SRBD1: variants seen among roughly 807,000 people sequenced by gnomAD.
The protein encoded by SRBD1 is S1 RNA-binding domain-containing protein 1.
A neutral mutation model predicts 115.3 loss-of-function variants in SRBD1; 88 were observed. The observed-to-expected ratio is 0.76, with a 90% CI of 0.64 to 0.91. The LOEUF is 0.91. SRBD1 is among the 40% of genes least tolerant of loss of function. The pLI is 0.00. For missense variants in SRBD1, 1,385 were observed against 1,177.4 expected (o/e 1.18, Z -2.58); for synonymous variants, 509 against 407.7 (o/e 1.25, Z -2.99).
chr2:45,604,116 A>G (rs2104260167), intron 2 of SRBD1, among the ~76,000 whole-genome samples: 1 of 152,150 alleles, frequency 6.6e-6, no homozygotes, highest in East Asian at 1.9e-4. Flanking sequence ...CTAGAATCCT[A>G]TGCTTCTACA....
chr2:45,452,837 TTC>T (rs1203964296), intron 16 of SRBD1, among the ~76,000 whole-genome samples: 1 of 151,934 alleles, frequency 6.6e-6, no homozygotes, highest in African/African-American at 2.4e-5. Flanking sequence ...AAATAACAGT[TTC>T]TTTTATTAGG....
At chr2:45,546,710 G>C (rs533721013) in intron 14 of SRBD1, 22 bp downstream of exon 14, 18 of 1,606,378 alleles carry the variant, frequency 1.1e-5, no homozygotes, top group African/African-American at 6.7e-5. Flanking sequence ...TCCAAGAAAA[G>C]AGATATATGT....
chr2:45,566,389 C>T (rs558844108), intron 9 of SRBD1, among the ~76,000 whole-genome samples: 2 of 152,236 alleles, frequency 1.3e-5, no homozygotes, highest in South Asian at 4.1e-4. Context: ...AAAGGAAAGG[C>T]ATACTAATAC....
intron 10 of SRBD1, among the ~76,000 whole-genome samples, chr2:45,557,434 A>C (rs3770295): frequency 0.52 from 78,817 of 152,002 alleles, 20,877 homozygotes; most frequent in African/African-American, 0.56. Flanking sequence ...TACCCTCTCA[A>C]ACCCCCAGTA....
chr2:45,465,191 C>T (rs1024349242), intron 16 of SRBD1, among the ~76,000 whole-genome samples: 5 of 152,048 alleles, frequency 3.3e-5, no homozygotes, highest in African/African-American at 1.2e-4. Context: ...TTTAAATCAT[C>T]TCTAGATTAC....
intron 16 of SRBD1, among the ~76,000 whole-genome samples, chr2:45,441,052 T>G (rs867415337): frequency 6.6e-6 from 1 of 152,248 alleles, no homozygotes; most frequent in Non-Finnish European, 1.5e-5. Context: ...TACACATACA[T>G]GTATGTGGCC....
At chr2:45,417,735 T>C (rs992560321) in intron 18 of SRBD1, among the ~76,000 whole-genome samples, 2 of 152,234 alleles carry the variant, frequency 1.3e-5, no homozygotes, top group Non-Finnish European at 2.9e-5. Context: ...TAATCAATGC[T>C]TTGGTCCATT....
At chr2:45,403,538 T>G (rs1280972791) in intron 19 of SRBD1, among the ~76,000 whole-genome samples, 2 of 152,164 alleles carry the variant, frequency 1.3e-5, no homozygotes, top group Non-Finnish European at 2.9e-5. Flanking sequence ...GCTCTTATGA[T>G]CCATGTCCTA....
chr2:45,484,478 T>A (rs1670055604), intron 15 of SRBD1, among the ~76,000 whole-genome samples: 1 of 152,234 alleles, frequency 6.6e-6, no homozygotes, highest in Admixed American at 6.5e-5. Flanking sequence ...AGAAACCTTC[T>A]GTTTAACCCT....
chr2:45,488,031 G>A (rs145098736), intron 15 of SRBD1, among the ~76,000 whole-genome samples: 118 of 152,266 alleles, frequency 7.7e-4, no homozygotes, highest in African/African-American at 2.7e-3. Context: ...TAGAACAGTA[G>A]TGTTCTTTTA....
intron 16 of SRBD1, among the ~76,000 whole-genome samples, chr2:45,441,863 A>C (rs1668679280): frequency 6.6e-6 from 1 of 152,214 alleles, no homozygotes; most frequent in Non-Finnish European, 1.5e-5. Context: ...ATGTCCTAAC[A>C]TGTTAAGACT....
At chr2:45,529,674 G>T (rs1292649786) in intron 14 of SRBD1, among the ~76,000 whole-genome samples, 1 of 151,836 alleles carries the variant, frequency 6.6e-6, no homozygotes, top group South Asian at 2.1e-4. Context: ...CTCCCAAATG[G>T]GTTGAGTTAG....
intron 14 of SRBD1, among the ~76,000 whole-genome samples, chr2:45,499,662 T>A (rs1670567498): frequency 6.6e-6 from 1 of 152,184 alleles, no homozygotes; most frequent in Non-Finnish European, 1.5e-5. Context: ...CATTTTTAGT[T>A]AATTTTTATA....
At chr2:45,461,876 T>C (rs75331607) in intron 16 of SRBD1, among the ~76,000 whole-genome samples, 1 of 152,162 alleles carries the variant, frequency 6.6e-6, no homozygotes, top group African/African-American at 2.4e-5. Flanking sequence ...TGGGAGATAC[T>C]TGGAAGCTAA....
Position 45,602,004 on chromosome 2 carries a change from G to A in SRBD1, c.160C>T (p.Pro54Ser), listed in dbSNP as rs951571305. ...QKKVPRSRKQ[P>S]PPKESKPKRM... The stretch of plus-strand genomic sequence containing the variant: ...TTTGGTTTGGATTCCTTGGGAGGGG[G>A]CTGTTTACGGCTTCTGGGAACTTTC... The change falls in exon 3 of 21, where the codon CCC becomes TCC. Residue 54 changes from proline (P) to serine (S), a missense_variant. By Grantham distance (74) the Pro-to-Ser change is moderately conservative. Coordinates refer to ENST00000263736, the MANE Select transcript of SRBD1 (RefSeq NM_018079.5). 6.2e-7 allele frequency: 1 copy of A among 1,614,184 alleles called. No homozygotes were observed. Among genetic ancestry groups the A allele is most frequent in the Non-Finnish European group, 8.5e-7 (1 of 1,180,008 alleles).
intron 16 of SRBD1, among the ~76,000 whole-genome samples, chr2:45,442,668 A>C (rs1572646013): frequency 6.6e-6 from 1 of 152,344 alleles, no homozygotes; most frequent in Middle Eastern, 3.4e-3. Context: ...AATTCATCTT[A>C]TTCATTCTCA....
Position 45,446,704 on chromosome 2 carries a change from A to G in SRBD1, c.2050-26810T>C, listed in dbSNP as rs184666292. Among the ~76,000 whole-genome samples, 342 of 152,044 alleles carry G rather than the reference A, an allele frequency of 2.2e-3. 2 individuals carry two copies. The highest frequency in any genetic ancestry group is 7.9e-3 in the African/African-American group (330 of 41,510). ...ATCTAGGCATATCAAGATGGAAAAA[A>G]AAAAACCCCACAGAACACCTACAAA... On this transcript the variant is annotated intron_variant, in intron 16 of 20. Coordinates refer to ENST00000263736, the MANE Select transcript of SRBD1 (RefSeq NM_018079.5).
chr2:45,417,592 C>T (rs544951610), intron 18 of SRBD1, among the ~76,000 whole-genome samples: 4 of 152,294 alleles, frequency 2.6e-5, no homozygotes, highest in Admixed American at 6.5e-5. Context: ...GAATTAACCA[C>T]GTAGTCCCAA....
chr2:45,486,197 A>C (rs1201140143), intron 15 of SRBD1, among the ~76,000 whole-genome samples: 2 of 152,224 alleles, frequency 1.3e-5, no homozygotes, highest in African/African-American at 2.4e-5. Context: ...GTTAAGAAGA[A>C]ACAGCAGTAT....
Sources: allele counts gnomAD v4.1 joint callset (sites outside exome capture counted in the v4.1 genomes callset), GRCh38; gene constraint gnomAD v4.1.1; transcripts MANE v1.5; gene names NCBI Gene and HGNC (gene_info 2026-07-23, HGNC 2026-07-21).